Variants in PSMA3 observed in about 807,000 individuals in gnomAD.
PSMA3 encodes proteasome 20S subunit alpha 3, also known as proteasome subunit alpha type-3.
PSMA3 carries 8 observed loss-of-function variants against 40.0 expected under a neutral mutation model. The observed-to-expected ratio is 0.20, with a 90% CI of 0.12 to 0.36. The LOEUF (loss-of-function observed/expected upper bound fraction) is 0.36. Ranked by LOEUF, PSMA3 falls within the 10% of genes least tolerant of loss-of-function variation. The pLI is 1.00. For missense variants in PSMA3, 219 were observed against 310.6 expected, an observed-to-expected ratio of 0.70 and a Z score of 2.22; for synonymous variants, 110 against 100.0, an observed-to-expected ratio of 1.10 and a Z score of -0.59.
At chr14:58,252,767 T>A (rs1017747572) in intron 3 of PSMA3, among the ~76,000 whole-genome samples, 8 of 146,384 alleles carry the variant, frequency 5.5e-5, no homozygotes, top group Admixed American at 3.5e-4. Context: ...TGGTATATAC[T>A]AAAGTTACCC....
rs144084081 is a variant in PSMA3 at position 58,252,161 on chromosome 14, G to A, written c.147G>A (p.Gly49=). Residue 49 remains glycine (G), a synonymous_variant, in exon 3 of 11, where the codon GGG becomes GGA. Coordinates refer to ENST00000216455, the MANE Select transcript of PSMA3 (RefSeq NM_002788.4). ...GIRCKDGVVF[G]VEKLVLSKLY... ...GATGCAAAGATGGTGTTGTCTTTGG[G>A]GTAGAAAAATTAGTCCTTTCTAAAC... is the stretch of plus-strand genomic sequence containing the variant. The A allele has an allele frequency of 9.1e-5, 146 of 1,612,922 alleles. No homozygotes were observed. The African/African-American group carries it at 1.5e-3, about 17-fold the overall frequency.
At chr14:58,253,284 C>T (rs555185188) in intron 3 of PSMA3, among the ~76,000 whole-genome samples, 61 of 152,270 alleles carry the variant, frequency 4.0e-4, no homozygotes, top group African/African-American at 1.4e-3. Context: ...CCACTGCGCC[C>T]GGCCTAATGC....
chr14:58,253,874 G>A lies in PSMA3; in HGVS notation c.228+1632G>A, dbSNP rs533275378. On this transcript the variant is annotated intron_variant, in intron 3 of 10. Coordinates refer to ENST00000216455, the MANE Select transcript of PSMA3 (RefSeq NM_002788.4). ...CTCCCAAAGTGCTGGGATTATAGGC[G>A]TGAGCCAGCGTGCCCAGCCTAGCAT... Among the ~76,000 whole-genome samples the A allele has an allele frequency of 6.6e-5, 10 of 152,354 alleles. No individual in the cohort carries two copies. In the East Asian group the frequency reaches 1.3e-3, roughly 21 times the overall value.
chr14:58,258,555 C>T (rs891765818), intron 5 of PSMA3: 2 of 150,764 alleles, frequency 1.3e-5, no homozygotes, highest in Non-Finnish European at 1.5e-5. Context: ...AATAAGCTCT[C>T]GGTGTTAGTC....
At chr14:58,256,073 C>T (rs1890137709) in intron 3 of PSMA3, among the ~76,000 whole-genome samples, 1 of 152,038 alleles carries the variant, frequency 6.6e-6, no homozygotes, top group Non-Finnish European at 1.5e-5. Flanking sequence ...AGGCTGGTTT[C>T]AAACTCCTGA....
intron 5 of PSMA3, among the ~76,000 whole-genome samples, chr14:58,260,429 A>AT (rs1430178054): frequency 6.6e-6 from 1 of 152,240 alleles, no homozygotes; most frequent in African/African-American, 2.4e-5. Flanking sequence ...TGCCCACTGT[A>AT]TGTCACAATT....
intron 2 of PSMA3, among the ~76,000 whole-genome samples, chr14:58,251,574 T>C (rs939062555): frequency 6.6e-6 from 1 of 152,232 alleles, no homozygotes; most frequent in African/African-American, 2.4e-5. Flanking sequence ...TCTTAAGAGG[T>C]TATTTTAAGA....
At chr14:58,252,810 C>G (rs1890041412) in intron 3 of PSMA3, among the ~76,000 whole-genome samples, 1 of 118,678 alleles carries the variant, frequency 8.4e-6, no homozygotes, top group Non-Finnish European at 1.7e-5. Flanking sequence ...TAGTGAGAAC[C>G]ACTACTGAAA....
In PSMA3 at chr14:58,270,219, G is replaced by GA. The variant is rs1890574165; in HGVS notation, c.591-198dup. 1.3e-5 allele frequency: 9 copies of GA among 714,246 alleles called. No individual in the cohort carries two copies. In the East Asian group the frequency reaches 2.7e-4, roughly 22 times the overall value. The allele number at this position is 714,246 out of a possible 1,614,324, so 44.2% of individuals were successfully genotyped here. Reference sequence around the variant, plus strand: ...ATTAGGTATATTCAACATTTGTCGGGAGAGTAGATGTTTCATTTTATTTCA... The same window carrying GA: ...ATTAGGTATATTCAACATTTGTCGGGAAGAGTAGATGTTTCATTTTATTTCA... On this transcript the variant is annotated intron_variant, in intron 8 of 10. Transcript: ENST00000216455.
chr14:58,266,206 G>A (rs946299239), intron 7 of PSMA3: 3 of 152,022 alleles, frequency 2.0e-5, no homozygotes, highest in Non-Finnish European at 4.4e-5. Flanking sequence ...TTTAAATTTA[G>A]TGTTATTTTT....
At chr14:58,269,260 T>C (rs1013463193) in intron 8 of PSMA3, among the ~76,000 whole-genome samples, 1 of 152,074 alleles carries the variant, frequency 6.6e-6, no homozygotes, top group Non-Finnish European at 1.5e-5. Flanking sequence ...TACTTTAATA[T>C]GTTGCATGAC....
At chr14:58,249,329 GT>G (rs548789123) in intron 2 of PSMA3, among the ~76,000 whole-genome samples, 172 of 152,044 alleles carry the variant, frequency 1.1e-3, no homozygotes, top group Middle Eastern at 3.4e-3. Context: ...ACAAATGCTA[GT>G]TTCTTATTTT....
At chr14:58,270,851 A>C in intron 9 of PSMA3, 83 bp from the exon 10 acceptor site, 1 of 1,159,380 alleles carries the variant, frequency 8.6e-7, no homozygotes, top group Non-Finnish European at 1.2e-6. Flanking sequence ...AGATATGTGG[A>C]TTGGGTAGAT....
At position 58,271,929 on chromosome 14, in the gene PSMA3, C is replaced by T; in HGVS notation, c.*34C>T. On this transcript the variant is annotated 3_prime_UTR_variant, in exon 11 of 11. Coordinates refer to ENST00000216455, the MANE Select transcript of PSMA3 (RefSeq NM_002788.4). ...CCAGCATCTATTGTATTTTAAATTT[C>T]TACTCCAGTCCAATGTAACTATTTA... The T allele has an allele frequency of 6.9e-7, 1 of 1,444,392 alleles. No individual in the cohort carries two copies. 89.5% of individuals were successfully genotyped at this position (1,444,392 alleles called of 1,614,324 possible). A position where few individuals can be genotyped will look rare whatever the true frequency, so the allele number is the denominator to read the frequency against.
chr14:58,258,073 C>A, intron 5 of PSMA3, 75 bp downstream of exon 5: 1 of 1,123,970 alleles, frequency 8.9e-7, no homozygotes, highest in Non-Finnish European at 1.3e-6. Flanking sequence ...GCATCTTAGC[C>A]TTTTACATAC....
At chr14:58,263,180 T>C (rs1476517707) in intron 6 of PSMA3, among the ~76,000 whole-genome samples, 1 of 152,026 alleles carries the variant, frequency 6.6e-6, no homozygotes, top group Non-Finnish European at 1.5e-5. Flanking sequence ...AGACAGGGTT[T>C]TACAATGTTG....
intron 3 of PSMA3, 67 bp from the exon 4 acceptor site, chr14:58,257,678 T>C: frequency 1.5e-6 from 2 of 1,376,734 alleles, no homozygotes; most frequent in South Asian, 1.2e-5. Context: ...AATAAGTCTT[T>C]ATTAATTGCA....
chr14:58,261,095 GA>G lies in PSMA3; in HGVS notation c.477+76del, dbSNP rs995637202. ...CATTAGCATTTAAGTCTCATTATAA[GA>G]TTATATGAAATTAAAAAAAAACTCA... On this transcript the variant is annotated intron_variant, in intron 6 of 10. Coordinates refer to ENST00000216455, the MANE Select transcript of PSMA3 (RefSeq NM_002788.4). 136 of 955,282 alleles carry G rather than the reference GA, an allele frequency of 1.4e-4. No homozygotes were observed. In the African/African-American group the frequency reaches 2.2e-3, roughly 16 times the overall value. The allele number at this position is 955,282 out of a possible 1,614,324, so 59.2% of individuals were successfully genotyped here.
At chr14:58,261,445 C>T (rs1048118487) in intron 6 of PSMA3, among the ~76,000 whole-genome samples, 5 of 152,036 alleles carry the variant, frequency 3.3e-5, no homozygotes, top group Non-Finnish European at 7.4e-5. Context: ...TCCCAAAGTG[C>T]GAGTATTACA....
Sources: allele counts gnomAD v4.1 joint callset (sites outside exome capture counted in the v4.1 genomes callset), GRCh38; gene constraint gnomAD v4.1.1; transcripts MANE v1.5; gene names NCBI Gene and HGNC (gene_info 2026-07-23, HGNC 2026-07-21).